NEDD4L: variants seen among roughly 807,000 people sequenced by gnomAD.
NEDD4L encodes the protein NEDD4 like E3 ubiquitin protein ligase, also known as E3 ubiquitin-protein ligase NEDD4-like.
NEDD4L carries 54 observed loss-of-function variants against 148.9 expected under a neutral mutation model. That is an observed-to-expected ratio of 0.36 (90% CI 0.29 to 0.45). NEDD4L has a LOEUF of 0.45. Among genes scored for constraint, NEDD4L ranks in the 20% least tolerant of loss-of-function variants. NEDD4L has a pLI of 1.00. For synonymous variants in NEDD4L, 433 were observed against 440.7 expected, an observed-to-expected ratio of 0.98 and a Z score of 0.22; for missense variants, 856 against 1,233.8, an observed-to-expected ratio of 0.69 and a Z score of 4.59.
chr18:58,323,536 A>G lies in NEDD4L; in HGVS notation c.513+202A>G, dbSNP rs184056355. 1.3e-3 allele frequency among the ~76,000 whole-genome samples: 192 copies of G among 152,296 alleles called. 1 individual carries two copies. Among genetic ancestry groups the G allele is most frequent in the African/African-American group, 3.9e-3 (163 of 41,568 alleles). Reference sequence around the variant, plus strand: ...ATGAACTTTTTATGTTACAACACCAATCCTCGGAGAGATTTCTCTTTAGAC... The same window carrying G: ...ATGAACTTTTTATGTTACAACACCAGTCCTCGGAGAGATTTCTCTTTAGAC... On this transcript the variant is annotated intron_variant, in intron 8 of 30. Coordinates refer to ENST00000400345, the MANE Select transcript of NEDD4L (RefSeq NM_001144967.3).
chr18:58,140,458 A>G (rs495587), intron 1 of NEDD4L, among the ~76,000 whole-genome samples: 17,892 of 151,688 alleles, frequency 0.12, 1,081 homozygotes, highest in South Asian at 0.22. Flanking sequence ...CATAGTAATC[A>G]GTGGATTCTT....
intron 2 of NEDD4L, among the ~76,000 whole-genome samples, chr18:58,199,369 G>C (rs1323494207): frequency 6.6e-6 from 1 of 152,062 alleles, no homozygotes; most frequent in East Asian, 1.9e-4. Flanking sequence ...AGGGAGTGGG[G>C]TGTGAAGCTG....
chr18:58,313,092 A>C (rs2057884164), intron 5 of NEDD4L, among the ~76,000 whole-genome samples: 1 of 152,210 alleles, frequency 6.6e-6, no homozygotes, highest in Non-Finnish European at 1.5e-5. Flanking sequence ...CTCACCAACT[A>C]CATCTTCCAT....
intron 5 of NEDD4L, among the ~76,000 whole-genome samples, chr18:58,310,179 G>T (rs1047455846): frequency 3.3e-5 from 5 of 152,164 alleles, no homozygotes; most frequent in Non-Finnish European, 4.4e-5. Flanking sequence ...CTTCCAGCAT[G>T]GTTTTCCTGG....
intron 2 of NEDD4L, among the ~76,000 whole-genome samples, chr18:58,204,828 G>A (rs536239503): frequency 5.5e-4 from 83 of 152,256 alleles, no homozygotes; most frequent in African/African-American, 2.0e-3. Context: ...AAGCAAGAAG[G>A]TGCTATAAAA....
intron 2 of NEDD4L, among the ~76,000 whole-genome samples, chr18:58,232,438 A>G (rs1358699614): frequency 6.6e-6 from 1 of 152,202 alleles, no homozygotes; most frequent in Non-Finnish European, 1.5e-5. Context: ...AATGGATTCC[A>G]CAGTTCACGC....
chr18:58,262,815 G>A (rs547673934), intron 5 of NEDD4L, among the ~76,000 whole-genome samples: 4 of 152,286 alleles, frequency 2.6e-5, no homozygotes, highest in Admixed American at 6.5e-5. Flanking sequence ...ATGTGAGTGG[G>A]CCTGAAAGTT....
At chr18:58,364,177 A>G in intron 19 of NEDD4L, 91 bp from the exon 20 acceptor site, 1 of 761,144 alleles carries the variant, frequency 1.3e-6, no homozygotes, top group South Asian at 1.6e-5. Flanking sequence ...ACGGTTTATG[A>G]CTCATGAAAT....
intron 1 of NEDD4L, among the ~76,000 whole-genome samples, chr18:58,082,102 A>ATATATATATATTTTTTTTTT: frequency 6.1e-5 from 3 of 48,824 alleles, no homozygotes; most frequent in African/African-American, 3.8e-4. Context: ...ATATATATAT[A>ATATATATATATTTTTTTTTT]TTTTTTTTTT....
At chr18:58,150,848 C>T (rs912907588) in intron 1 of NEDD4L, among the ~76,000 whole-genome samples, 3 of 151,980 alleles carry the variant, frequency 2.0e-5, no homozygotes, top group Admixed American at 6.6e-5. Flanking sequence ...TACTGGGGGC[C>T]TTGGTCCAGT....
intron 1 of NEDD4L, among the ~76,000 whole-genome samples, chr18:58,100,713 G>A (rs749564595): frequency 3.9e-5 from 6 of 152,164 alleles, no homozygotes; most frequent in East Asian, 1.9e-4. Flanking sequence ...TTCCTCCTAC[G>A]TACTTAGCTG....
At chr18:58,254,055 T>C (rs1317983165) in intron 5 of NEDD4L, among the ~76,000 whole-genome samples, 1 of 152,066 alleles carries the variant, frequency 6.6e-6, no homozygotes, top group East Asian at 1.9e-4. Context: ...TGGTAGTACT[T>C]GGAAGTTCTA....
In NEDD4L at chr18:58,335,523, G is replaced by A; in HGVS notation, c.1111G>A (p.Gly371Ser). ...GRARSSTVTG[G>S]EEPTPSVAYV... Reference sequence around the variant, plus strand: ...AGCGCGTTCATCAACTGTCACGGGTGGTGAGGAACCAACGGTAATGATCCA... The same window carrying A: ...AGCGCGTTCATCAACTGTCACGGGTAGTGAGGAACCAACGGTAATGATCCA... The change falls in exon 13 of 31, where the codon GGT becomes AGT. Residue 371 changes from glycine to serine, a missense_variant. By Grantham distance (56) the Gly-to-Ser change is moderately conservative. Around this residue, in one of 4 missense-constraint regions of NEDD4L, gnomAD observed 367 missense variants for 422.7 expected, o/e 0.87. Coordinates refer to ENST00000400345, the MANE Select transcript of NEDD4L (RefSeq NM_001144967.3). The A allele has an allele frequency of 6.2e-7, 1 of 1,613,414 alleles. No homozygotes were observed. The highest frequency in any genetic ancestry group is 1.1e-5 in the South Asian group (1 of 91,066).
chr18:58,109,664 G>A lies in NEDD4L; in HGVS notation c.49-56124G>A, dbSNP rs372485010. 4.9e-3 allele frequency among the ~76,000 whole-genome samples: 716 copies of A among 147,586 alleles called. 11 individuals are homozygous for A. The highest frequency in any genetic ancestry group is 0.017 in the African/African-American group (671 of 39,840). The stretch of plus-strand genomic sequence containing the variant: ...TCGGCTCACTCAACCTCTGCCTCCT[G>A]GGTACAAGCAACCCTCCTGCCTCAG... On this transcript the variant is annotated intron_variant, in intron 1 of 30. Coordinates refer to ENST00000400345, the MANE Select transcript of NEDD4L (RefSeq NM_001144967.3).
intron 8 of NEDD4L, among the ~76,000 whole-genome samples, 185 bp from the exon 9 acceptor site, chr18:58,324,811 A>G (rs1386613156): frequency 1.3e-5 from 2 of 152,142 alleles, no homozygotes; most frequent in Non-Finnish European, 2.9e-5. Context: ...AGGCCTTTCT[A>G]GAATTGATAT....
intron 1 of NEDD4L, among the ~76,000 whole-genome samples, chr18:58,152,853 A>G (rs542610112): frequency 3.9e-5 from 6 of 152,362 alleles, no homozygotes; most frequent in African/African-American, 1.4e-4. Context: ...CACGTCTTCC[A>G]GCATAGACTC....
chr18:58,396,655 A>G lies in NEDD4L; in HGVS notation c.*386A>G, dbSNP rs1170709488. The stretch of plus-strand genomic sequence containing the variant: ...TTACTTTTTAAAATGATTTAGACCG[A>G]TTTTCAGATTTTATTTCGTTATGAT... On this transcript the variant is annotated 3_prime_UTR_variant, in exon 31 of 31. Coordinates refer to ENST00000400345, the MANE Select transcript of NEDD4L (RefSeq NM_001144967.3). 6.5e-6 allele frequency: 1 copy of G among 152,968 alleles called. No homozygotes were observed. Among genetic ancestry groups the G allele is most frequent in the African/African-American group, 2.4e-5 (1 of 41,132 alleles). The allele number at this position is 152,968 out of a possible 1,614,324, so 9.5% of individuals were successfully genotyped here.
chr18:58,307,954 G>A (rs535430045), intron 5 of NEDD4L, among the ~76,000 whole-genome samples: 112 of 152,210 alleles, frequency 7.4e-4, no homozygotes, highest in African/African-American at 2.6e-3. Context: ...ATTTAGTCTG[G>A]TATTAAAATT....
At chr18:58,242,958 A>G (rs2046822512) in intron 2 of NEDD4L, among the ~76,000 whole-genome samples, 1 of 152,196 alleles carries the variant, frequency 6.6e-6, no homozygotes, top group Admixed American at 6.5e-5. Context: ...CTGGATGAGC[A>G]CTCAAGATGT....
Sources: allele counts gnomAD v4.1 joint callset (sites outside exome capture counted in the v4.1 genomes callset), GRCh38; gene constraint gnomAD v4.1.1; regional missense constraint gnomAD v4.1.1; transcripts MANE v1.5; gene names NCBI Gene and HGNC (gene_info 2026-07-23, HGNC 2026-07-21).